NHSL1: variants seen among roughly 807,000 people sequenced by gnomAD.
The protein encoded by NHSL1 is NHS like 1.
NHSL1 carries 48 observed loss-of-function variants against 95.0 expected under a neutral mutation model. The observed-to-expected ratio is 0.51, with a 90% confidence interval of 0.40 to 0.64. The LOEUF (loss-of-function observed/expected upper bound fraction) is 0.64. Among genes scored for constraint, NHSL1 ranks in the 30% least tolerant of loss-of-function variants. NHSL1 has a pLI of 0.00. For missense variants in NHSL1, 1,971 were observed against 2,077.7 expected (o/e 0.95, Z 1.00); for synonymous variants, 783 against 833.9 (o/e 0.94, Z 1.05).
chr6:138,650,094 G>A, intron 1 of NHSL1: 1 of 514,134 alleles, frequency 1.9e-6, no homozygotes, highest in Non-Finnish European at 3.9e-6. Context: ...TATGGAAACT[G>A]AAGCCCGGCT....
intron 1 of NHSL1, among the ~76,000 whole-genome samples, chr6:138,514,712 G>A (rs1400326278): frequency 6.6e-6 from 1 of 152,118 alleles, no homozygotes; most frequent in Non-Finnish European, 1.5e-5. Flanking sequence ...GAGCCTAGGA[G>A]TTCAAGACCA....
intron 1 of NHSL1, among the ~76,000 whole-genome samples, chr6:138,608,009 TTCAACCCTG>T (rs2114584833): frequency 6.6e-6 from 1 of 152,322 alleles, no homozygotes; most frequent in South Asian, 2.1e-4. Context: ...GATGCTAACC[TTCAACCCTG>T]TCAGCTTCGC....
intron 1 of NHSL1, among the ~76,000 whole-genome samples, chr6:138,511,468 A>G (rs1370422177): frequency 3.3e-5 from 5 of 151,570 alleles, no homozygotes; most frequent in South Asian, 2.1e-4. Context: ...TGAAGAAAGT[A>G]GGTCTATGGG....
intron 1 of NHSL1, among the ~76,000 whole-genome samples, chr6:138,563,035 CGCCCTAGGT>C (rs1783473203): frequency 6.6e-6 from 1 of 152,174 alleles, no homozygotes; most frequent in Non-Finnish European, 1.5e-5. Context: ...GATGCCAAAA[CGCCCTAGGT>C]GCTTTCAATG....
At chr6:138,484,070 T>C (rs916608958) in intron 2 of NHSL1, among the ~76,000 whole-genome samples, 1 of 152,174 alleles carries the variant, frequency 6.6e-6, no homozygotes, top group African/African-American at 2.4e-5. Flanking sequence ...TGGAACAGAA[T>C]GAATAAGGAA....
intron 1 of NHSL1, among the ~76,000 whole-genome samples, chr6:138,520,674 T>C (rs780899543): frequency 1.2e-4 from 18 of 152,162 alleles, no homozygotes; most frequent in Non-Finnish European, 2.2e-4. Flanking sequence ...CTCAGAAATA[T>C]TTTCCAAATA....
intron 2 of NHSL1, among the ~76,000 whole-genome samples, chr6:138,489,523 T>C (rs924194868): frequency 6.6e-6 from 1 of 151,826 alleles, no homozygotes; most frequent in Non-Finnish European, 1.5e-5. Flanking sequence ...TGCCAGCACT[T>C]TGGGAGGCCG....
At chr6:138,434,852 C>T (rs1775969051) in intron 5 of NHSL1, among the ~76,000 whole-genome samples, 1 of 152,178 alleles carries the variant, frequency 6.6e-6, no homozygotes, top group Non-Finnish European at 1.5e-5. Context: ...CTTTTGCTCA[C>T]TCAGATAGCA....
chr6:138,533,150 G>T (rs1028820025), intron 1 of NHSL1, among the ~76,000 whole-genome samples: 10 of 152,112 alleles, frequency 6.6e-5, no homozygotes, highest in Non-Finnish European at 1.2e-4. Context: ...AGGAACAAAT[G>T]TAATGGCAAT....
At chr6:138,464,443 A>G (rs1778214035) in intron 3 of NHSL1, 1 of 302,814 alleles carries the variant, frequency 3.3e-6, no homozygotes. Flanking sequence ...AGAAGACAGC[A>G]GCCCTAGGCC....
At chr6:138,635,945 T>TAAATTTAGTGAA (rs1784881803) in intron 1 of NHSL1, among the ~76,000 whole-genome samples, 1 of 129,792 alleles carries the variant, frequency 7.7e-6, no homozygotes, top group African/African-American at 3.0e-5. Flanking sequence ...AAATGCCGTC[T>TAAATTTAGTGAA]CTACTAAAAA....
At chr6:138,483,398 A>T (rs1779541292) in intron 2 of NHSL1, among the ~76,000 whole-genome samples, 1 of 152,234 alleles carries the variant, frequency 6.6e-6, no homozygotes, top group South Asian at 2.1e-4. Flanking sequence ...ATGGTGGGGG[A>T]ATGCTATATC....
intron 1 of NHSL1, among the ~76,000 whole-genome samples, chr6:138,667,313 T>G (rs1192275916): frequency 6.6e-6 from 1 of 152,218 alleles, no homozygotes; most frequent in African/African-American, 2.4e-5. Context: ...AAAGTAAATT[T>G]TTTAAATTAT....
chr6:138,460,628 G>A (rs893718722), intron 3 of NHSL1, among the ~76,000 whole-genome samples: 4 of 151,544 alleles, frequency 2.6e-5, no homozygotes, highest in Non-Finnish European at 5.9e-5. Flanking sequence ...CTGATATAAG[G>A]GACTTGAGCA....
At chr6:138,559,042 C>G (rs1431600515) in intron 1 of NHSL1, among the ~76,000 whole-genome samples, 1 of 151,314 alleles carries the variant, frequency 6.6e-6, no homozygotes, top group Non-Finnish European at 1.5e-5. Flanking sequence ...GAGGGAGACT[C>G]TATCTCTTTA....
In NHSL1 at chr6:138,587,503, C is replaced by CAAAAAAAAAAAAAAA. The variant is rs35723995; in HGVS notation, c.97-91147_97-91133dup. 3.3e-5 allele frequency among the ~76,000 whole-genome samples: 2 copies of CAAAAAAAAAAAAAAA among 59,908 alleles called. 1 individual carries two copies. Among genetic ancestry groups the CAAAAAAAAAAAAAAA allele is most frequent in the Non-Finnish European group, 7.6e-5 (2 of 26,358 alleles). 39.3% of individuals were successfully genotyped at this position (59,908 alleles called of 152,430 possible). ...GAGGGCATCAAGAGCAAAACTCTGT[C>CAAAAAAAAAAAAAAA]AAAAAAAAAAAAAAAAAAAAGCCTT... On this transcript the variant is annotated intron_variant, in intron 1 of 3. Transcript: ENST00000491526.
intron 7 of NHSL1, among the ~76,000 whole-genome samples, chr6:138,428,391 T>G (rs1017762956): frequency 6.6e-6 from 1 of 152,226 alleles, no homozygotes; most frequent in African/African-American, 2.4e-5. Flanking sequence ...CTATGGGAAC[T>G]TCTAGAATTG....
chr6:138,645,569 G>C (rs1240305799), intron 1 of NHSL1, among the ~76,000 whole-genome samples: 1 of 149,044 alleles, frequency 6.7e-6, no homozygotes, highest in Non-Finnish European at 1.5e-5. Context: ...GTGCAGCAGT[G>C]TGATCTCAGC....
At chr6:138,616,909 G>A (rs1319689784) in intron 1 of NHSL1, among the ~76,000 whole-genome samples, 2 of 152,206 alleles carry the variant, frequency 1.3e-5, no homozygotes, top group South Asian at 2.1e-4. Context: ...CACCCATTAA[G>A]ACACTAGCTT....
Sources: gnomAD v4.1 joint callset for allele counts (sites outside exome capture counted in the v4.1 genomes callset) on GRCh38, gnomAD v4.1.1 for gene constraint, MANE v1.5 for transcripts, NCBI Gene and HGNC (gene_info 2026-07-23, HGNC 2026-07-21) for gene names.